Variants in GALNT13 observed in about 807,000 individuals in gnomAD.
GALNT13 encodes UDP-GalNAc:polypeptide N-acetylgalactosaminyltransferase 13.
Under a neutral mutation model 64.2 loss-of-function variants are expected in GALNT13, and 28 were observed. The observed-to-expected ratio is 0.44, with a 90% CI of 0.32 to 0.60. The LOEUF (loss-of-function observed/expected upper bound fraction) is 0.60, where lower values mean the gene tolerates loss of function less well. Among genes scored for constraint, GALNT13 ranks in the 20% least tolerant of loss-of-function variants. GALNT13 has a pLI of 0.05. For synonymous variants in GALNT13, 214 were observed against 224.6 expected, an observed-to-expected ratio of 0.95 and a Z score of 0.42; for missense variants, 577 against 669.8, an observed-to-expected ratio of 0.86 and a Z score of 1.53.
chr2:153,183,704 A>C, the GALNT13 span, among the ~76,000 whole-genome samples: 2 of 152,192 alleles, frequency 1.3e-5, no homozygotes, highest in South Asian at 4.1e-4. Flanking sequence ...CAGCTCTTGC[A>C]GCACCATTTA....
At chr2:153,735,657 G>T in the GALNT13 span, among the ~76,000 whole-genome samples, 1 of 152,136 alleles carries the variant, frequency 6.6e-6, no homozygotes, top group Non-Finnish European at 1.5e-5. Flanking sequence ...TGTCATATTT[G>T]TTGAGGCTCC....
the GALNT13 span, among the ~76,000 whole-genome samples, chr2:153,539,157 T>C: frequency 6.7e-6 from 1 of 148,764 alleles, no homozygotes; most frequent in Non-Finnish European, 1.5e-5. Context: ...GATGAGCATT[T>C]TTCCATGTGT....
the GALNT13 span, among the ~76,000 whole-genome samples, chr2:153,568,208 TG>T: frequency 1.3e-5 from 2 of 152,212 alleles, no homozygotes; most frequent in Non-Finnish European, 2.9e-5. Context: ...TTTGTTTCTT[TG>T]AAGCTGCTAT....
chr2:154,442,889 G>A (rs1701373094), intron 12 of GALNT13, among the ~76,000 whole-genome samples: 1 of 152,104 alleles, frequency 6.6e-6, no homozygotes, highest in Non-Finnish European at 1.5e-5. Context: ...GACTGAGCAA[G>A]TTGACTTAGA....
the GALNT13 span, among the ~76,000 whole-genome samples, chr2:153,676,896 T>A: frequency 6.6e-6 from 1 of 151,908 alleles, no homozygotes; most frequent in Non-Finnish European, 1.5e-5. Flanking sequence ...ATGAAAACCA[T>A]CTACGAAAAA....
the GALNT13 span, among the ~76,000 whole-genome samples, chr2:153,715,757 T>C: frequency 6.6e-6 from 1 of 152,120 alleles, no homozygotes; most frequent in East Asian, 1.9e-4. Context: ...TTATCATATA[T>C]TAACATCCTC....
intron 4 of GALNT13, among the ~76,000 whole-genome samples, chr2:154,194,434 T>C (rs1435344718): frequency 6.6e-6 from 1 of 152,214 alleles, no homozygotes; most frequent in Non-Finnish European, 1.5e-5. Context: ...GAAGTTTAAC[T>C]ATGAAAATAC....
At chr2:153,152,730 A>G in the GALNT13 span, among the ~76,000 whole-genome samples, 2 of 152,134 alleles carry the variant, frequency 1.3e-5, no homozygotes, top group African/African-American at 4.8e-5. Flanking sequence ...CCTGCAAAGG[A>G]TATGATCTCC....
chr2:153,196,807 C>T, the GALNT13 span, among the ~76,000 whole-genome samples: 11 of 152,186 alleles, frequency 7.2e-5, no homozygotes, highest in Admixed American at 2.0e-4. Context: ...TAGCTCCTGC[C>T]GGCTCCATGG....
chr2:153,128,533 C>A, the GALNT13 span, among the ~76,000 whole-genome samples: 1 of 151,990 alleles, frequency 6.6e-6, no homozygotes, highest in Non-Finnish European at 1.5e-5. Flanking sequence ...GAACACAGAG[C>A]CAAACCATAT....
the GALNT13 span, among the ~76,000 whole-genome samples, chr2:153,284,882 G>A: frequency 1.3e-5 from 2 of 152,024 alleles, no homozygotes; most frequent in Non-Finnish European, 1.5e-5. Flanking sequence ...GGCAAAAAAG[G>A]GTCCACTGTC....
At chr2:154,239,828 C>A (rs1036743032) in intron 4 of GALNT13, among the ~76,000 whole-genome samples, 1 of 152,058 alleles carries the variant, frequency 6.6e-6, no homozygotes, top group Non-Finnish European at 1.5e-5. Context: ...GGTAGGTGAT[C>A]TTTTAGACGG....
chr2:153,069,668 G>A, the GALNT13 span, among the ~76,000 whole-genome samples: 19 of 152,188 alleles, frequency 1.2e-4, no homozygotes, highest in Non-Finnish European at 2.1e-4. Context: ...TTGCTGAGAT[G>A]TAAGCTGCAC....
chr2:153,611,686 T>TA, the GALNT13 span, among the ~76,000 whole-genome samples: 1 of 105,000 alleles, frequency 9.5e-6, no homozygotes, highest in Non-Finnish European at 2.1e-5. Context: ...TACCTTTTTT[T>TA]TTTTTTTTTT....
chr2:154,311,665 C>T (rs1030592018), intron 9 of GALNT13, among the ~76,000 whole-genome samples: 8 of 151,858 alleles, frequency 5.3e-5, no homozygotes, highest in Admixed American at 3.9e-4. Flanking sequence ...GTTTATTAGG[C>T]GGGAATTTCC....
At chr2:154,383,539 A>G (rs1014801405) in intron 9 of GALNT13, among the ~76,000 whole-genome samples, 1 of 152,020 alleles carries the variant, frequency 6.6e-6, no homozygotes, top group Non-Finnish European at 1.5e-5. Flanking sequence ...AATTGTAACA[A>G]CAATTCACAG....
At chr2:153,140,756 T>C in the GALNT13 span, among the ~76,000 whole-genome samples, 4 of 152,054 alleles carry the variant, frequency 2.6e-5, no homozygotes, top group African/African-American at 9.7e-5. Context: ...TAAGATGCAC[T>C]TCTTCATTTT....
chr2:153,669,811 C>T, the GALNT13 span, among the ~76,000 whole-genome samples: 2 of 152,328 alleles, frequency 1.3e-5, no homozygotes, highest in Middle Eastern at 3.4e-3. Context: ...TGGTATACTT[C>T]TGCCCAAATA....
chr2:153,918,560 T>A (rs1689546595), intron 2 of GALNT13, among the ~76,000 whole-genome samples: 1 of 152,146 alleles, frequency 6.6e-6, no homozygotes. Flanking sequence ...ATTTTGAGAT[T>A]CCTACTAACT....
Sources: gnomAD v4.1 joint callset for allele counts (sites outside exome capture counted in the v4.1 genomes callset) on GRCh38, gnomAD v4.1.1 for gene constraint, MANE v1.5 for transcripts, NCBI Gene and HGNC (gene_info 2026-07-23, HGNC 2026-07-21) for gene names.